The following METAP2 variants were observed in gnomAD, a reference collection of about 807,000 sequenced individuals.
METAP2 encodes the protein methionine aminopeptidase 2.
Under a neutral mutation model 59.4 loss-of-function variants are expected in METAP2, and 25 were observed. The observed-to-expected ratio is 0.42, with a 90% CI of 0.31 to 0.59. The LOEUF is 0.59. METAP2 is among the 20% of genes least tolerant of loss of function. The pLI is 0.16. For missense variants in METAP2, 366 were observed against 581.2 expected (o/e 0.63, Z 3.81); for synonymous variants, 214 against 194.1 (o/e 1.10, Z -0.85).
At chr12:95,479,076 C>G (rs1248969862) in intron 2 of METAP2, among the ~76,000 whole-genome samples, 1 of 151,962 alleles carries the variant, frequency 6.6e-6, no homozygotes, top group Non-Finnish European at 1.5e-5. Context: ...GACCCTGTCT[C>G]TTAACAAAAA....
intron 1 of METAP2, 151 bp downstream of exon 1, chr12:95,474,481 C>A (rs2076102755): frequency 2.5e-6 from 2 of 797,554 alleles, no homozygotes; most frequent in Non-Finnish European, 3.9e-6. Flanking sequence ...CTATAGATTC[C>A]TAGTCTGAGA....
chr12:95,500,106 T>C (rs1188520521), intron 7 of METAP2, among the ~76,000 whole-genome samples: 1 of 152,226 alleles, frequency 6.6e-6, no homozygotes, highest in Non-Finnish European at 1.5e-5. Context: ...GTATTCATTG[T>C]ACATGTGTTT....
chr12:95,513,608 G>A (rs745944276), intron 10 of METAP2, 44 bp from the exon 11 acceptor site: 43 of 1,585,592 alleles, frequency 2.7e-5, no homozygotes, highest in Non-Finnish European at 3.3e-5. Flanking sequence ...AAATCAGTTC[G>A]TAACTCTTTT....
chr12:95,503,965 C>T (rs896615542), intron 7 of METAP2, 100 bp from the exon 8 acceptor site: 1 of 782,364 alleles, frequency 1.3e-6, no homozygotes, highest in African/African-American at 1.7e-5. Context: ...ATGTACAAAG[C>T]AGTTTTTCTG....
At position 95,496,003 on chromosome 12, in the gene METAP2, G is replaced by T; in HGVS notation, c.773-1G>T. On this transcript the variant is annotated splice_acceptor_variant, in intron 6 of 10. Transcript: ENST00000323666. LOFTEE classifies it high-confidence loss of function. ...ATTAAAAGAGGAATTTTCTCTTTCAGGTAGGATTATTGACTGTGCTTTTAC... is the reference window on the plus strand; with the variant it reads ...ATTAAAAGAGGAATTTTCTCTTTCATGTAGGATTATTGACTGTGCTTTTAC... The T allele has an allele frequency of 6.5e-7, 1 of 1,550,154 alleles. No homozygotes were observed. The highest frequency in any genetic ancestry group is 1.2e-5 in the South Asian group (1 of 86,252).
chr12:95,490,362 G>T (rs1216534256), intron 4 of METAP2, among the ~76,000 whole-genome samples: 2 of 148,802 alleles, frequency 1.3e-5, no homozygotes, highest in Admixed American at 1.4e-4. Flanking sequence ...CCTTTTCAGG[G>T]TGTTATATCT....
At chr12:95,482,139 C>T (rs778420155) in intron 2 of METAP2, 10 of 453,472 alleles carry the variant, frequency 2.2e-5, no homozygotes, top group South Asian at 7.8e-5. Context: ...TACAAGATCT[C>T]CCTCCCGTCA....
chr12:95,500,287 C>T (rs1328434074), intron 7 of METAP2, among the ~76,000 whole-genome samples: 1 of 151,846 alleles, frequency 6.6e-6, no homozygotes, highest in Non-Finnish European at 1.5e-5. Context: ...TTAATTTATT[C>T]TGACACTTCT....
At chr12:95,493,154 G>T (rs182688890) in intron 4 of METAP2, among the ~76,000 whole-genome samples, 1 of 151,948 alleles carries the variant, frequency 6.6e-6, no homozygotes, top group African/African-American at 2.4e-5. Context: ...CCTACTACAG[G>T]AGTCATGGAT....
At chr12:95,482,778 C>T (rs1026568029) in intron 2 of METAP2, among the ~76,000 whole-genome samples, 1 of 152,082 alleles carries the variant, frequency 6.6e-6, no homozygotes, top group Admixed American at 6.6e-5. Context: ...GGCAACAGAG[C>T]TAGACCCTGT....
At chr12:95,496,487 C>G (rs2076276217) in intron 7 of METAP2, among the ~76,000 whole-genome samples, 1 of 151,830 alleles carries the variant, frequency 6.6e-6, no homozygotes, top group African/African-American at 2.4e-5. Flanking sequence ...TTGTCAGCAT[C>G]CCCACCACAT....
intron 8 of METAP2, among the ~76,000 whole-genome samples, chr12:95,511,040 A>G (rs1268808090): frequency 6.6e-6 from 1 of 152,162 alleles, no homozygotes; most frequent in Non-Finnish European, 1.5e-5. Context: ...TTCCCTCGTG[A>G]ATATGCCACA....
At chr12:95,490,490 A>C (rs1049969796) in intron 4 of METAP2, among the ~76,000 whole-genome samples, 1 of 151,112 alleles carries the variant, frequency 6.6e-6, no homozygotes, top group Non-Finnish European at 1.5e-5. Flanking sequence ...TGTAATTATT[A>C]AGTTGTGGGT....
rs556422837 is a variant in METAP2 at position 95,506,501 on chromosome 12, A to G, written c.964+2340A>G. Among the ~76,000 whole-genome samples the G allele has an allele frequency of 2.0e-3, 304 of 151,868 alleles. 1 individual carries two copies. Among genetic ancestry groups the G allele is most frequent in the African/African-American group, 6.4e-3 (264 of 41,452 alleles). On this transcript the variant is annotated intron_variant, in intron 8 of 10. Transcript: ENST00000323666. Reference sequence around the variant, plus strand: ...TTTTTAGTAGAGACGGGGTTTCACTATATTTGCCAGGATGGTCTCAATCTC... The same window carrying G: ...TTTTTAGTAGAGACGGGGTTTCACTGTATTTGCCAGGATGGTCTCAATCTC...
At position 95,511,882 on chromosome 12, in the gene METAP2, T is replaced by C; in HGVS notation, c.965-13T>C. The C allele has an allele frequency of 1.3e-6, 2 of 1,573,668 alleles. No individual in the cohort carries two copies. The highest frequency in any genetic ancestry group is 1.7e-6 in the Non-Finnish European group (2 of 1,148,922). On this transcript the variant is annotated splice_polypyrimidine_tract_variant and intron_variant, in intron 8 of 10. Coordinates refer to ENST00000323666, the MANE Select transcript of METAP2 (RefSeq NM_006838.4). Reference sequence around the variant, plus strand: ...ATCCTGAATGACTTTTATTTCCCTATTTTTTATAACAGTGAAACCAATCCG... The same window carrying C: ...ATCCTGAATGACTTTTATTTCCCTACTTTTTATAACAGTGAAACCAATCCG...
Position 95,495,985 on chromosome 12 carries a change from G to A in METAP2, c.773-19G>A, listed in dbSNP as rs747977165. On this transcript the variant is annotated intron_variant, in intron 6 of 10. Coordinates refer to ENST00000323666, the MANE Select transcript of METAP2 (RefSeq NM_006838.4). ...GACTAGCTGATAAGTAAAATTAAAA[G>A]AGGAATTTTCTCTTTCAGGTAGGAT... The A allele has an allele frequency of 7.0e-7, 1 of 1,427,504 alleles. No individual in the cohort carries two copies. Among genetic ancestry groups the A allele is most frequent in the Non-Finnish European group, 9.8e-7 (1 of 1,023,992 alleles). The allele number at this position is 1,427,504 out of a possible 1,614,324, so 88.4% of individuals were successfully genotyped here.
At chr12:95,506,795 C>CTTACTTATTTATTTAT (rs1555192941) in intron 8 of METAP2, among the ~76,000 whole-genome samples, 1 of 147,236 alleles carries the variant, frequency 6.8e-6, no homozygotes, top group Non-Finnish European at 1.5e-5. Context: ...AAGCAGAATA[C>CTTACTTATTTATTTAT]TTATTTATTT....
chr12:95,477,103 T>C (rs910881770), intron 2 of METAP2, among the ~76,000 whole-genome samples: 1 of 149,020 alleles, frequency 6.7e-6, no homozygotes, highest in African/African-American at 2.5e-5. Flanking sequence ...TTTTACTCTC[T>C]ATTTTTTTTT....
chr12:95,482,234 T>C (rs1360778881), intron 2 of METAP2: 1 of 437,658 alleles, frequency 2.3e-6, no homozygotes, highest in Non-Finnish European at 4.6e-6. Flanking sequence ...ATCTCAGCTT[T>C]CCAAGTAACT....
Sources: allele counts gnomAD v4.1 joint callset (sites outside exome capture counted in the v4.1 genomes callset), GRCh38; gene constraint gnomAD v4.1.1; transcripts MANE v1.5; gene names NCBI Gene and HGNC (gene_info 2026-07-23, HGNC 2026-07-21).